The following CPQ variants were observed in gnomAD, a reference collection of about 807,000 sequenced individuals.
The protein encoded by CPQ is carboxypeptidase Q.
A neutral mutation model predicts 45.7 loss-of-function variants in CPQ; 37 were observed. The ratio of observed to expected loss-of-function variants is 0.81; its 90% CI spans 0.62 to 1.07. CPQ has a LOEUF of 1.07. Among genes scored for constraint, CPQ ranks in the 50% least tolerant of loss-of-function variants. The probability of loss-of-function intolerance (pLI) is 0.00; values close to 1 mark genes in which losing one functional copy is unlikely to be tolerated. For missense variants in CPQ, 537 were observed against 572.9 expected (o/e 0.94, Z 0.64); for synonymous variants, 186 against 205.8 (o/e 0.90, Z 0.82).
At chr8:97,045,300 G>T (rs998360822) in intron 6 of CPQ, among the ~76,000 whole-genome samples, 3 of 152,212 alleles carry the variant, frequency 2.0e-5, no homozygotes, top group Non-Finnish European at 2.9e-5. Context: ...CCATGTGCGG[G>T]ATATAATCTC....
At chr8:96,858,997 T>G (rs1204761735) in intron 3 of CPQ, among the ~76,000 whole-genome samples, 4 of 152,190 alleles carry the variant, frequency 2.6e-5, no homozygotes, top group African/African-American at 4.8e-5. Context: ...TTTATTCTCT[T>G]GAGTGTCATT....
chr8:97,026,404 C>T (rs1809798974), intron 5 of CPQ, among the ~76,000 whole-genome samples: 1 of 152,180 alleles, frequency 6.6e-6, no homozygotes, highest in South Asian at 2.1e-4. Flanking sequence ...GAGTAAAACA[C>T]AGCTCAGACT....
chr8:96,899,130 G>A (rs934906553), intron 4 of CPQ, among the ~76,000 whole-genome samples: 4 of 152,100 alleles, frequency 2.6e-5, no homozygotes, highest in African/African-American at 9.7e-5. Context: ...ATAAAATTAG[G>A]GTGCTGAGAT....
intron 1 of CPQ, among the ~76,000 whole-genome samples, chr8:96,664,623 A>C (rs1808896110): frequency 6.6e-6 from 1 of 152,210 alleles, no homozygotes; most frequent in Non-Finnish European, 1.5e-5. Context: ...CCTGGAGCAA[A>C]CACAGAGAAA....
chr8:96,926,125 T>G (rs998014251), intron 4 of CPQ, among the ~76,000 whole-genome samples: 5 of 152,228 alleles, frequency 3.3e-5, no homozygotes, highest in South Asian at 4.1e-4. Flanking sequence ...TAAGGACAGT[T>G]GTAATTGGCC....
intron 4 of CPQ, among the ~76,000 whole-genome samples, chr8:96,939,170 C>T (rs942702025): frequency 3.9e-5 from 6 of 152,212 alleles, no homozygotes; most frequent in Non-Finnish European, 7.3e-5. Context: ...CTAATACCAT[C>T]GACCTTAGTC....
At chr8:97,045,971 G>C (rs1030506506) in intron 6 of CPQ, among the ~76,000 whole-genome samples, 4 of 152,238 alleles carry the variant, frequency 2.6e-5, no homozygotes, top group African/African-American at 9.6e-5. Flanking sequence ...TACTTTAAGG[G>C]CTGAAGATCA....
At chr8:97,134,568 C>T (rs900476077) in intron 7 of CPQ, among the ~76,000 whole-genome samples, 8 of 152,152 alleles carry the variant, frequency 5.3e-5, no homozygotes, top group Admixed American at 3.9e-4. Flanking sequence ...AGGATACCTC[C>T]GACCCAAGTT....
intron 7 of CPQ, among the ~76,000 whole-genome samples, chr8:97,138,882 C>G (rs888290873): frequency 1.3e-5 from 2 of 151,484 alleles, no homozygotes; most frequent in Non-Finnish European, 2.9e-5. Flanking sequence ...ATGTAGCTTC[C>G]AAACTATAGA....
chr8:96,871,458 T>G (rs374805385), intron 3 of CPQ, among the ~76,000 whole-genome samples: 1 of 151,434 alleles, frequency 6.6e-6, no homozygotes, highest in East Asian at 1.9e-4. Context: ...TTGCCACAGG[T>G]GCTCAAATGC....
chr8:96,723,783 G>A (rs959851496), intron 1 of CPQ, among the ~76,000 whole-genome samples: 3 of 151,774 alleles, frequency 2.0e-5, no homozygotes, highest in South Asian at 4.1e-4. Flanking sequence ...ACCAACTTGT[G>A]TGCCTGATTT....
intron 1 of CPQ, among the ~76,000 whole-genome samples, chr8:96,702,527 G>A (rs1316865344): frequency 1.3e-5 from 2 of 152,088 alleles, no homozygotes; most frequent in African/African-American, 4.8e-5. Context: ...TATTTTGATA[G>A]CTAACACTTA....
chr8:96,863,307 G>C (rs542454303), intron 3 of CPQ, among the ~76,000 whole-genome samples: 32 of 152,096 alleles, frequency 2.1e-4, no homozygotes, highest in South Asian at 1.9e-3. Context: ...TTGGAAGAGA[G>C]GCCAGAGTTG....
At chr8:96,794,069 C>A (rs1810890434) in intron 2 of CPQ, among the ~76,000 whole-genome samples, 1 of 152,170 alleles carries the variant, frequency 6.6e-6, no homozygotes. Context: ...GTCTTGAGGA[C>A]AGTGGCCCTC....
chr8:96,750,728 A>G (rs1247643067), intron 1 of CPQ, among the ~76,000 whole-genome samples: 1 of 151,840 alleles, frequency 6.6e-6, no homozygotes, highest in Non-Finnish European at 1.5e-5. Context: ...AGATCAACCC[A>G]TCACCTAGGT....
At chr8:96,818,609 C>T (rs1171442726) in intron 2 of CPQ, among the ~76,000 whole-genome samples, 1 of 152,096 alleles carries the variant, frequency 6.6e-6, no homozygotes, top group Non-Finnish European at 1.5e-5. Context: ...ACCCATTTGC[C>T]TGTTTTGGGC....
At chr8:96,878,415 A>G (rs1204057050) in intron 3 of CPQ, among the ~76,000 whole-genome samples, 1 of 152,224 alleles carries the variant, frequency 6.6e-6, no homozygotes, top group African/African-American at 2.4e-5. Context: ...GTTTGAGGGT[A>G]AGTGATTTAG....
In CPQ at chr8:97,085,397, C is replaced by A. The variant is rs914647196; in HGVS notation, c.1255+19187C>A. Among the ~76,000 whole-genome samples, 12 of 150,274 alleles carry A rather than the reference C, an allele frequency of 8.0e-5. No homozygotes were observed. In the East Asian group the frequency reaches 1.6e-3, roughly 20 times the overall value. On this transcript the variant is annotated intron_variant, in intron 7 of 7. Coordinates refer to ENST00000220763, the MANE Select transcript of CPQ (RefSeq NM_016134.4). ...AAACCCTGGCTCTAAAAAAAAAAAACCAAAAACAAGTCCCTGGACCCTCTC... is the reference window on the plus strand; with the variant it reads ...AAACCCTGGCTCTAAAAAAAAAAAAACAAAAACAAGTCCCTGGACCCTCTC...
At chr8:96,930,939 C>G (rs1812965779) in intron 4 of CPQ, among the ~76,000 whole-genome samples, 1 of 152,198 alleles carries the variant, frequency 6.6e-6, no homozygotes, top group African/African-American at 2.4e-5. Flanking sequence ...TTTGCATCAT[C>G]CACCTTGACA....
Sources: allele counts gnomAD v4.1 joint callset (sites outside exome capture counted in the v4.1 genomes callset), GRCh38; gene constraint gnomAD v4.1.1; transcripts MANE v1.5; gene names NCBI Gene and HGNC (gene_info 2026-07-23, HGNC 2026-07-21).